The following NFIB variants were observed in gnomAD, a reference collection of about 807,000 sequenced individuals.
The protein encoded by NFIB is nuclear factor 1 B-type.
Under a neutral mutation model 61.5 loss-of-function variants are expected in NFIB, and 11 were observed. The ratio of observed to expected loss-of-function variants is 0.18; its 90% CI spans 0.11 to 0.30. The LOEUF is 0.30. Ranked by LOEUF, NFIB falls within the 10% of genes least tolerant of loss-of-function variation. The pLI, the probability that NFIB is intolerant of heterozygous loss-of-function variation, is 1.00. For synonymous variants in NFIB, 260 were observed against 216.5 expected (o/e 1.20, Z -1.76); for missense variants, 471 against 608.9 (o/e 0.77, Z 2.38).
upstream of NFIB, among the ~76,000 whole-genome samples, chr9:14,403,634 G>A (rs776986839): frequency 4.6e-5 from 7 of 151,886 alleles, no homozygotes; most frequent in Non-Finnish European, 1.0e-4. Context: ...ACATGGTAAT[G>A]CATGCCATAG....
intron 3 of NFIB, among the ~76,000 whole-genome samples, chr9:14,168,391 G>A (rs1024795996): frequency 6.6e-6 from 1 of 152,218 alleles, no homozygotes; most frequent in Non-Finnish European, 1.5e-5. Context: ...AAACAGCACT[G>A]CAGAGAGGCT....
intron 1 of NFIB, among the ~76,000 whole-genome samples, chr9:14,366,280 C>T (rs1396236025): frequency 6.6e-6 from 1 of 152,174 alleles, no homozygotes; most frequent in East Asian, 1.9e-4. Flanking sequence ...TTCTTTTAAC[C>T]TCGCGTCTGT....
In NFIB at chr9:14,299,000, C is replaced by G. The variant is rs375750699; in HGVS notation, c.562+7989G>C. 1.2e-4 allele frequency among the ~76,000 whole-genome samples: 19 copies of G among 152,284 alleles called. No homozygotes were observed. The East Asian group carries it at 2.5e-3, about 20-fold the overall frequency. ...AAATTTAAGGTAATCCAACCAGAAACTGCAGATGTCAGAATAATAAAATAC... is the reference window on the plus strand; with the variant it reads ...AAATTTAAGGTAATCCAACCAGAAAGTGCAGATGTCAGAATAATAAAATAC... On this transcript the variant is annotated intron_variant, in intron 2 of 10. Transcript: ENST00000380953.
At chr9:14,091,376 C>G (rs556799593) in intron 10 of NFIB, among the ~76,000 whole-genome samples, 3 of 151,684 alleles carry the variant, frequency 2.0e-5, no homozygotes, top group Non-Finnish European at 4.4e-5. Context: ...TGCATACTTA[C>G]TCAGGTAAAA....
chr9:14,306,943 G>T, intron 2 of NFIB, 46 bp downstream of exon 2: 1 of 1,597,602 alleles, frequency 6.3e-7, no homozygotes. Context: ...ACGGAGATTT[G>T]TAGGCGGTGT....
At chr9:14,426,323 G>C in the NFIB span, among the ~76,000 whole-genome samples, 1 of 152,150 alleles carries the variant, frequency 6.6e-6, no homozygotes, top group Non-Finnish European at 1.5e-5. Context: ...GCATGGCTTT[G>C]TAGTTTTTAT....
chr9:14,115,360 G>A (rs559955899), intron 9 of NFIB, among the ~76,000 whole-genome samples: 2 of 152,056 alleles, frequency 1.3e-5, no homozygotes, highest in African/African-American at 4.8e-5. Flanking sequence ...CCACCAATTC[G>A]ATAGCTTTAT....
At chr9:14,128,593 G>T (rs1247379374) in intron 6 of NFIB, among the ~76,000 whole-genome samples, 1 of 151,658 alleles carries the variant, frequency 6.6e-6, no homozygotes, top group Non-Finnish European at 1.5e-5. Context: ...AGCTACTTGG[G>T]AGGCTGAGGC....
At chr9:14,281,925 A>C (rs1348630251) in intron 2 of NFIB, among the ~76,000 whole-genome samples, 2 of 152,190 alleles carry the variant, frequency 1.3e-5, no homozygotes, top group Admixed American at 1.3e-4. Context: ...AGAGGAACAA[A>C]AAATGGATGC....
At chr9:14,523,972 C>T in the NFIB span, among the ~76,000 whole-genome samples, 1 of 152,144 alleles carries the variant, frequency 6.6e-6, no homozygotes, top group Non-Finnish European at 1.5e-5. Flanking sequence ...TGGAAAAAGA[C>T]GGCATAACAA....
chr9:14,323,783 C>T (rs974374096), intron 1 of NFIB, among the ~76,000 whole-genome samples: 2 of 152,036 alleles, frequency 1.3e-5, no homozygotes, highest in Admixed American at 6.5e-5. Context: ...CTACAACACG[C>T]AGTATTTTTT....
intron 2 of NFIB, among the ~76,000 whole-genome samples, chr9:14,255,354 T>C (rs2056117724): frequency 6.6e-6 from 1 of 152,252 alleles, no homozygotes; most frequent in Admixed American, 6.5e-5. Context: ...AACAGATTAC[T>C]GACATTTCCT....
rs575039797 is a variant in NFIB, at chr9:14,084,566, C to T, written c.*3743G>A. ...AATGCTCACGTCACTCCAGGGGTAACACGCTTCAGAGGCACTGTGAGTGGT... is the reference window on the plus strand; with the variant it reads ...AATGCTCACGTCACTCCAGGGGTAATACGCTTCAGAGGCACTGTGAGTGGT... On this transcript the variant is annotated 3_prime_UTR_variant, in exon 11 of 11. Transcript: ENST00000380953. The T allele has an allele frequency of 4.4e-5, 10 of 227,906 alleles. No individual in the cohort carries two copies. The highest frequency in any genetic ancestry group is 2.0e-4 in the African/African-American group (9 of 45,106). 14.1% of individuals were successfully genotyped at this position (227,906 alleles called of 1,614,324 possible).
the NFIB span, among the ~76,000 whole-genome samples, chr9:14,455,825 G>T: frequency 1.7e-3 from 266 of 152,074 alleles, 1 homozygote; most frequent in African/African-American, 6.0e-3. Context: ...TTTAAAAAGA[G>T]GAACATTCTA....
In NFIB at chr9:14,214,000, G is replaced by A. The variant is rs111350366; in HGVS notation, c.563-34220C>T. On this transcript the variant is annotated intron_variant, in intron 2 of 10. Transcript: ENST00000380953. ...CCTCACATCATTTTACTTAAGAATCGATGCCACCTTCGGGCTATGCATCAG... is the reference window on the plus strand; with the variant it reads ...CCTCACATCATTTTACTTAAGAATCAATGCCACCTTCGGGCTATGCATCAG... 1.8e-3 allele frequency among the ~76,000 whole-genome samples: 268 copies of A among 152,154 alleles called. 1 individual carries two copies. Among genetic ancestry groups the A allele is most frequent in the African/African-American group, 6.3e-3 (261 of 41,500 alleles).
chr9:14,389,572 T>C (rs530273697), intron 1 of NFIB, among the ~76,000 whole-genome samples: 15 of 152,280 alleles, frequency 9.9e-5, no homozygotes, highest in African/African-American at 3.6e-4. Flanking sequence ...ATTTTGAACA[T>C]TAAAACATTA....
intron 9 of NFIB, 128 bp from the exon 10 acceptor site, chr9:14,113,209 C>T (rs1384275091): frequency 1.4e-6 from 1 of 693,016 alleles, no homozygotes; most frequent in Non-Finnish European, 2.3e-6. Context: ...CATTTCTCTT[C>T]TCTTTTGTCT....
the NFIB span, among the ~76,000 whole-genome samples, chr9:14,495,445 A>ATTTTTTTTTTTTTTTTTTTT: frequency 4.1e-5 from 4 of 98,126 alleles, no homozygotes; most frequent in East Asian, 3.0e-4. Context: ...AGAGAAATGA[A>ATTTTTTTTTTTTTTTTTTTT]CTTTTTTTTT....
the NFIB span, among the ~76,000 whole-genome samples, chr9:14,434,775 C>T: frequency 6.6e-6 from 1 of 152,222 alleles, no homozygotes; most frequent in Admixed American, 6.5e-5. Flanking sequence ...AAGTAGTCTA[C>T]ACAAGATATT....
Sources: allele counts gnomAD v4.1 joint callset (sites outside exome capture counted in the v4.1 genomes callset), GRCh38; gene constraint gnomAD v4.1.1; transcripts MANE v1.5; gene names NCBI Gene and HGNC (gene_info 2026-07-23, HGNC 2026-07-21).